Variants in TMEM236 observed in about 807,000 individuals in gnomAD.
The protein encoded by TMEM236 is family with sequence similarity 23, member A.
A neutral mutation model predicts 14.7 loss-of-function variants in TMEM236; 11 were observed. The ratio of observed to expected loss-of-function variants is 0.75; its 90% CI spans 0.47 to 1.24. The LOEUF (loss-of-function observed/expected upper bound fraction) is 1.24. Among genes scored for constraint, TMEM236 ranks in the 50% most tolerant of loss-of-function variants. TMEM236 has a pLI of 0.00. For synonymous variants in TMEM236, 182 were observed against 168.6 expected, an observed-to-expected ratio of 1.08 and a Z score of -0.62; for missense variants, 464 against 427.3, an observed-to-expected ratio of 1.09 and a Z score of -0.76.
intron 1 of TMEM236, among the ~76,000 whole-genome samples, chr10:17,757,779 T>C (rs1042248273): frequency 2.5e-4 from 38 of 152,068 alleles, no homozygotes; most frequent in Non-Finnish European, 5.4e-4. Context: ...TTTTGTTTTG[T>C]GTTTTTTGAG....
chr10:17,770,500 C>T (rs1348437245), intron 1 of TMEM236, among the ~76,000 whole-genome samples: 1 of 152,204 alleles, frequency 6.6e-6, no homozygotes, highest in Admixed American at 6.5e-5. Context: ...TCTCCTGCCT[C>T]AGCCTCCTGA....
chr10:17,763,991 G>A (rs960384119), intron 1 of TMEM236, among the ~76,000 whole-genome samples: 6 of 152,100 alleles, frequency 3.9e-5, no homozygotes, highest in South Asian at 2.1e-4. Flanking sequence ...TTCCTGTAGC[G>A]CTTAGCCTGT....
At chr10:17,780,162 T>G (rs1314762885) in intron 3 of TMEM236, among the ~76,000 whole-genome samples, 1 of 152,142 alleles carries the variant, frequency 6.6e-6, no homozygotes, top group Non-Finnish European at 1.5e-5. Flanking sequence ...CCCTCCCACT[T>G]ATAGAACTCG....
chr10:17,788,452 C>A (rs1368165172), intron 3 of TMEM236, among the ~76,000 whole-genome samples: 1 of 151,598 alleles, frequency 6.6e-6, no homozygotes, highest in African/African-American at 2.4e-5. Context: ...GAAAAATGAT[C>A]TCTAAACCAT....
intron 3 of TMEM236, among the ~76,000 whole-genome samples, chr10:17,782,142 C>G (rs950047827): frequency 6.6e-6 from 1 of 152,004 alleles, no homozygotes; most frequent in Non-Finnish European, 1.5e-5. Flanking sequence ...CAGAGTGACC[C>G]GTCTTGGTGG....
rs1837938328 is a variant in TMEM236, at chr10:17,792,284, C to T, written c.473-3637C>T. Reference sequence around the variant, plus strand: ...GTGTATTTTTAGTAGGGATGGGTTTCACCACGTTAGCCAGGTTGATCTGGA... The same window carrying T: ...GTGTATTTTTAGTAGGGATGGGTTTTACCACGTTAGCCAGGTTGATCTGGA... On this transcript the variant is annotated intron_variant, in intron 3 of 3. Coordinates refer to ENST00000377495, the MANE Select transcript of TMEM236 (RefSeq NM_001098844.3). 2.0e-5 allele frequency among the ~76,000 whole-genome samples: 3 copies of T among 152,302 alleles called. No individual in the cohort carries two copies. The South Asian group carries it at 6.2e-4, about 32-fold the overall frequency.
chr10:17,792,649 A>G (rs1837945107), intron 3 of TMEM236, among the ~76,000 whole-genome samples: 1 of 152,202 alleles, frequency 6.6e-6, no homozygotes, highest in African/African-American at 2.4e-5. Context: ...GTGACGACCA[A>G]AAGTCGTTTC....
Position 17,754,298 on chromosome 10 carries a change from A to G in TMEM236, c.257+1746A>G, listed in dbSNP as rs895503140. ...ACCATTAACTACGACTTTTAAAACA[A>G]CTGGTTCCTTTAGACTTTTTATTTA... On this transcript the variant is annotated intron_variant, in intron 1 of 3. Coordinates refer to ENST00000377495, the MANE Select transcript of TMEM236 (RefSeq NM_001098844.3). Among the ~76,000 whole-genome samples, 970 of 152,238 alleles carry G rather than the reference A, an allele frequency of 6.4e-3. 12 individuals are homozygous for G. The highest frequency in any genetic ancestry group is 0.022 in the African/African-American group (918 of 41,544).
intron 2 of TMEM236, among the ~76,000 whole-genome samples, chr10:17,775,282 C>T (rs1166954514): frequency 6.6e-6 from 1 of 151,806 alleles, no homozygotes; most frequent in Non-Finnish European, 1.5e-5. Context: ...GTTTTTGTTT[C>T]TGTTTTTTGT....
At chr10:17,761,314 C>T (rs1837359000) in intron 1 of TMEM236, among the ~76,000 whole-genome samples, 1 of 152,170 alleles carries the variant, frequency 6.6e-6, no homozygotes. Context: ...GCAACCTTCA[C>T]CCACTGGTCT....
intron 2 of TMEM236, among the ~76,000 whole-genome samples, chr10:17,772,259 G>C (rs1837585407): frequency 6.6e-6 from 1 of 152,192 alleles, no homozygotes; most frequent in African/African-American, 2.4e-5. Context: ...GAAATTACAT[G>C]GTTGTTAGAA....
At chr10:17,764,097 C>G (rs1837421079) in intron 1 of TMEM236, among the ~76,000 whole-genome samples, 1 of 152,118 alleles carries the variant, frequency 6.6e-6, no homozygotes, top group East Asian at 1.9e-4. Context: ...GAAAGATGGG[C>G]AGGGAAACGT....
At chr10:17,765,483 C>T (rs2131744971) in intron 1 of TMEM236, among the ~76,000 whole-genome samples, 1 of 152,274 alleles carries the variant, frequency 6.6e-6, no homozygotes, top group African/African-American at 2.4e-5. Flanking sequence ...ATAGGCAAGA[C>T]TTGGGATATG....
At chr10:17,791,616 C>T (rs1339440328) in intron 3 of TMEM236, among the ~76,000 whole-genome samples, 1 of 152,220 alleles carries the variant, frequency 6.6e-6, no homozygotes, top group Non-Finnish European at 1.5e-5. Flanking sequence ...CCCCACCTCT[C>T]ACCAAACTCC....
At chr10:17,767,921 T>TC (rs1837495569) in intron 1 of TMEM236, among the ~76,000 whole-genome samples, 2 of 150,972 alleles carry the variant, frequency 1.3e-5, no homozygotes, top group Non-Finnish European at 2.9e-5. Flanking sequence ...ATCTTTTTTT[T>TC]TTTTTTGAGA....
At chr10:17,761,693 CAAAAAAAA>C (rs1297497582) in intron 1 of TMEM236, among the ~76,000 whole-genome samples, 4 of 114,110 alleles carry the variant, frequency 3.5e-5, no homozygotes, top group African/African-American at 1.3e-4. Flanking sequence ...GACTATGTCT[CAAAAAAAA>C]AAAAAAAAAA....
chr10:17,787,483 C>T (rs1837856717), intron 3 of TMEM236, among the ~76,000 whole-genome samples: 1 of 152,216 alleles, frequency 6.6e-6, no homozygotes, highest in Non-Finnish European at 1.5e-5. Flanking sequence ...ATTTTTTACC[C>T]ATTGACTCTA....
At chr10:17,788,188 T>C (rs910883265) in intron 3 of TMEM236, among the ~76,000 whole-genome samples, 10 of 150,576 alleles carry the variant, frequency 6.6e-5, no homozygotes, top group African/African-American at 2.4e-4. Flanking sequence ...TCTAGAAATA[T>C]ATATCATTAT....
intron 1 of TMEM236, among the ~76,000 whole-genome samples, chr10:17,757,623 A>G (rs2131739873): frequency 6.6e-6 from 1 of 151,456 alleles, no homozygotes; most frequent in East Asian, 1.9e-4. Context: ...AAGCTATGTA[A>G]TGGGGGAGCT....
Sources: gnomAD v4.1 joint callset for allele counts (sites outside exome capture counted in the v4.1 genomes callset) on GRCh38, gnomAD v4.1.1 for gene constraint, MANE v1.5 for transcripts, NCBI Gene and HGNC (gene_info 2026-07-23, HGNC 2026-07-21) for gene names.